Variants in HNRNPC observed in about 807,000 individuals in gnomAD.
HNRNPC encodes heterogeneous nuclear ribonucleoproteins C1/C2.
In HNRNPC, 3 loss-of-function variants were observed where a neutral mutation model predicts 33.2. The observed-to-expected ratio is 0.09, with a 90% CI of 0.04 to 0.23. HNRNPC has a LOEUF of 0.23. Among genes scored for constraint, HNRNPC ranks in the 10% least tolerant of loss-of-function variants. The pLI, the probability that HNRNPC is intolerant of heterozygous loss-of-function variation, is 1.00. For missense variants in HNRNPC, 143 were observed against 366.7 expected (o/e 0.39, Z 4.98); for synonymous variants, 121 against 126.7 (o/e 0.96, Z 0.30).
intron 2 of HNRNPC, among the ~76,000 whole-genome samples, chr14:21,259,328 C>T (rs1418602163): frequency 1.3e-5 from 2 of 152,148 alleles, no homozygotes; most frequent in African/African-American, 4.8e-5. Flanking sequence ...TCTTTTCCTT[C>T]ATCGATCCTT....
rs185968849 is a variant in HNRNPC at position 21,240,441 on chromosome 14, T to G, written c.-36-6212A>C. The stretch of plus-strand genomic sequence containing the variant: ...AATACTTCATTACCATTACATTAAC[T>G]TTAAATCTCAAGTAATTCAATTCTA... On this transcript the variant is annotated intron_variant, in intron 2 of 8. Coordinates refer to ENST00000553300, the MANE Select transcript of HNRNPC (RefSeq NM_004500.4). 3.5e-3 allele frequency among the ~76,000 whole-genome samples: 536 copies of G among 152,346 alleles called. 19 individuals are homozygous for G. Among genetic ancestry groups the G allele is most frequent in the Non-Finnish European group, 7.3e-4 (50 of 68,028 alleles).
chr14:21,242,421 T>C (rs1594276259), intron 2 of HNRNPC, among the ~76,000 whole-genome samples: 1 of 152,138 alleles, frequency 6.6e-6, no homozygotes, highest in Non-Finnish European at 1.5e-5. Flanking sequence ...GACGCGGAGG[T>C]TGCAGTGAGC....
chr14:21,214,298 T>TA (rs1891924432), intron 5 of HNRNPC, among the ~76,000 whole-genome samples: 2 of 152,188 alleles, frequency 1.3e-5, no homozygotes, highest in African/African-American at 4.8e-5. Context: ...ATATATACAA[T>TA]AGTGGCAAGT....
intron 5 of HNRNPC, among the ~76,000 whole-genome samples, chr14:21,220,933 C>CA (rs1011962929): frequency 2.0e-5 from 3 of 151,770 alleles, no homozygotes; most frequent in African/African-American, 4.8e-5. Flanking sequence ...CTAAAATACA[C>CA]AAAAAAAGTC....
At chr14:21,220,025 C>T (rs980141752) in intron 5 of HNRNPC, among the ~76,000 whole-genome samples, 1 of 152,156 alleles carries the variant, frequency 6.6e-6, no homozygotes, top group Non-Finnish European at 1.5e-5. Context: ...TTTCTCTGGT[C>T]CCACCAAAAA....
chr14:21,233,214 T>C (rs1052190943), intron 3 of HNRNPC, among the ~76,000 whole-genome samples: 18 of 152,100 alleles, frequency 1.2e-4, no homozygotes, highest in African/African-American at 3.9e-4. Context: ...GTAAAAACAA[T>C]GAAATAGACC....
intron 6 of HNRNPC, 155 bp from the exon 7 acceptor site, chr14:21,212,078 T>C (rs1891667056): frequency 1.6e-6 from 1 of 621,860 alleles, no homozygotes. Context: ...CCCTTGGTTC[T>C]ATTATAAAGC....
intron 5 of HNRNPC, among the ~76,000 whole-genome samples, chr14:21,223,485 A>G (rs1216318797): frequency 6.6e-6 from 1 of 152,168 alleles, no homozygotes; most frequent in Non-Finnish European, 1.5e-5. Context: ...GCTATAGCTC[A>G]TGCCTATAAT....
chr14:21,214,833 A>C (rs552719326), intron 5 of HNRNPC, among the ~76,000 whole-genome samples: 1 of 152,338 alleles, frequency 6.6e-6, no homozygotes, highest in South Asian at 2.1e-4. Context: ...GCACAAACAC[A>C]AATTGCTTAA....
intron 2 of HNRNPC, among the ~76,000 whole-genome samples, chr14:21,249,012 A>C (rs1450910621): frequency 1.3e-5 from 2 of 152,226 alleles, no homozygotes; most frequent in Non-Finnish European, 2.9e-5. Context: ...GCATAACCAA[A>C]GTATGTACAA....
intron 3 of HNRNPC, among the ~76,000 whole-genome samples, chr14:21,232,445 C>T (rs1228201952): frequency 1.3e-5 from 2 of 152,088 alleles, no homozygotes; most frequent in African/African-American, 4.8e-5. Context: ...TCACGGCTCA[C>T]TGTAACCTCC....
chr14:21,217,363 T>C (rs1327286111), intron 5 of HNRNPC, among the ~76,000 whole-genome samples: 4 of 152,178 alleles, frequency 2.6e-5, no homozygotes, highest in Non-Finnish European at 5.9e-5. Context: ...CCGGATACTA[T>C]CAACTGCAAG....
intron 2 of HNRNPC, among the ~76,000 whole-genome samples, chr14:21,237,363 T>C (rs1192581106): frequency 6.6e-6 from 1 of 152,240 alleles, no homozygotes; most frequent in Non-Finnish European, 1.5e-5. Context: ...TCCGCTTCTA[T>C]TGCATTAGGT....
At chr14:21,250,139 G>T (rs1368926903) in intron 2 of HNRNPC, among the ~76,000 whole-genome samples, 1 of 151,934 alleles carries the variant, frequency 6.6e-6, no homozygotes, top group Non-Finnish European at 1.5e-5. Context: ...TGTAGTCCAG[G>T]CTACTCGGGA....
At chr14:21,220,147 CTCAT>C (rs1892658396) in intron 5 of HNRNPC, among the ~76,000 whole-genome samples, 1 of 152,144 alleles carries the variant, frequency 6.6e-6, no homozygotes. Context: ...AGCTTCCCAT[CTCAT>C]TCAAAGTAAA....
intron 5 of HNRNPC, among the ~76,000 whole-genome samples, chr14:21,219,424 T>C (rs1252998256): frequency 6.6e-6 from 1 of 152,244 alleles, no homozygotes; most frequent in Non-Finnish European, 1.5e-5. Context: ...TCCATTCACT[T>C]GAAATCTGTG....
chr14:21,269,052 T>C (rs1292192066), intron 1 of HNRNPC, among the ~76,000 whole-genome samples: 1 of 152,044 alleles, frequency 6.6e-6, no homozygotes, highest in Non-Finnish European at 1.5e-5. Context: ...AAGCAGCCGT[T>C]AACACAGGAA....
At chr14:21,211,975 G>C in intron 6 of HNRNPC, 52 bp from the exon 7 acceptor site, 1 of 1,384,132 alleles carries the variant, frequency 7.2e-7, no homozygotes, top group Non-Finnish European at 1.0e-6. Context: ...GAAGATATGA[G>C]TTAGCAAATA....
At chr14:21,252,474 G>C (rs1026602508) in intron 2 of HNRNPC, among the ~76,000 whole-genome samples, 1 of 152,016 alleles carries the variant, frequency 6.6e-6, no homozygotes, top group Non-Finnish European at 1.5e-5. Flanking sequence ...CCCTACCCAG[G>C]TAATTTTTTT....
Sources: gnomAD v4.1 joint callset for allele counts (sites outside exome capture counted in the v4.1 genomes callset) on GRCh38, gnomAD v4.1.1 for gene constraint, MANE v1.5 for transcripts, NCBI Gene and HGNC (gene_info 2026-07-23, HGNC 2026-07-21) for gene names.